Variants in ADGRV1 observed in about 807,000 individuals in gnomAD.
ADGRV1 encodes the protein G-protein coupled receptor 98.
ADGRV1 carries 359 observed loss-of-function variants against 596.2 expected under a neutral mutation model. The ratio of observed to expected loss-of-function variants is 0.60; its 90% CI spans 0.55 to 0.66. The LOEUF (loss-of-function observed/expected upper bound fraction) is 0.66, where lower values mean the gene tolerates loss of function less well. ADGRV1 is among the 30% of genes least tolerant of loss of function. The pLI is 0.00. For synonymous variants in ADGRV1, 2,681 were observed against 2,679.2 expected (o/e 1.00, Z -0.02); for missense variants, 7,274 against 7,575.6 (o/e 0.96, Z 1.48).
At chr5:90,966,421 A>G (rs1778462974) in intron 84 of ADGRV1, among the ~76,000 whole-genome samples, 2 of 151,546 alleles carry the variant, frequency 1.3e-5, no homozygotes, top group Admixed American at 6.6e-5. Flanking sequence ...AATCCCAGCT[A>G]CTAGGGAGGC....
At chr5:90,763,938 T>G (rs935262139) in intron 59 of ADGRV1, among the ~76,000 whole-genome samples, 3 of 152,216 alleles carry the variant, frequency 2.0e-5, no homozygotes, top group African/African-American at 7.2e-5. Context: ...TGATGGACAC[T>G]AAAGTTGATT....
At chr5:91,105,299 G>A (rs1791757710) in intron 87 of ADGRV1, among the ~76,000 whole-genome samples, 1 of 152,158 alleles carries the variant, frequency 6.6e-6, no homozygotes, top group Non-Finnish European at 1.5e-5. Flanking sequence ...CAACAAACAT[G>A]GGTGTGCAGA....
At chr5:90,669,699 A>C (rs566750474) in intron 21 of ADGRV1, among the ~76,000 whole-genome samples, 19 of 152,334 alleles carry the variant, frequency 1.2e-4, no homozygotes, top group Non-Finnish European at 2.5e-4. Flanking sequence ...CTAGTAACAC[A>C]GGTGTTGAAC....
At chr5:90,827,906 G>C (rs568859642) in intron 76 of ADGRV1, among the ~76,000 whole-genome samples, 1 of 152,280 alleles carries the variant, frequency 6.6e-6, no homozygotes, top group Admixed American at 6.5e-5. Context: ...TCATTAAAAT[G>C]GTCACAAAAC....
chr5:90,674,557 A>G (rs1450840102), intron 23 of ADGRV1: 1 of 178,918 alleles, frequency 5.6e-6, no homozygotes, highest in African/African-American at 2.4e-5. Flanking sequence ...ACACCTAAGT[A>G]ATTGAAATAC....
chr5:90,661,696 G>A (rs779404803), intron 21 of ADGRV1, among the ~76,000 whole-genome samples: 3 of 152,084 alleles, frequency 2.0e-5, no homozygotes, highest in East Asian at 3.8e-4. Flanking sequence ...AAGAGGAGAC[G>A]GTAGTGAGTA....
chr5:91,022,001 C>A, intron 85 of ADGRV1, among the ~76,000 whole-genome samples: 1 of 151,912 alleles, frequency 6.6e-6, no homozygotes, highest in Admixed American at 6.6e-5. Context: ...TCAAGAAAAG[C>A]GGCAATCGAG....
In ADGRV1 at chr5:90,823,535, C is replaced by T; in HGVS notation, c.16307C>T (p.Thr5436Ile). 6.2e-7 allele frequency: 1 copy of T among 1,613,842 alleles called. No individual in the cohort carries two copies. Among genetic ancestry groups the T allele is most frequent in the South Asian group, 1.1e-5 (1 of 91,062 alleles). Reference protein sequence around the residue: ...LVEELQSVSGTTTCTMGQTKC... With the variant: ...LVEELQSVSGITTCTMGQTKC... ...GAGGAACTTCAGTCTGTGTCAGGGA[C>T]CACAACCTGTACAATGGGTCAAACA... Residue 5436 changes from threonine (T) to isoleucine (I), a missense_variant, in exon 76 of 90, where the codon ACC (threonine) becomes ATC (isoleucine). Coordinates refer to ENST00000405460, the MANE Select transcript of ADGRV1 (RefSeq NM_032119.4).
chr5:91,098,897 C>G (rs946198695), intron 86 of ADGRV1, among the ~76,000 whole-genome samples: 1 of 152,178 alleles, frequency 6.6e-6, no homozygotes, highest in Non-Finnish European at 1.5e-5. Context: ...TTTGTTCTTA[C>G]ACAGTGGAAG....
intron 83 of ADGRV1, among the ~76,000 whole-genome samples, chr5:90,929,830 A>G (rs1775046211): frequency 6.6e-6 from 1 of 152,198 alleles, no homozygotes; most frequent in African/African-American, 2.4e-5. Flanking sequence ...TTGTTGACTA[A>G]TATGTAGATA....
chr5:90,763,346 A>C lies in ADGRV1; in HGVS notation c.12162A>C (p.Ser4054=). The C allele has an allele frequency of 6.2e-7, 1 of 1,610,260 alleles. No individual in the cohort carries two copies. The highest frequency in any genetic ancestry group is 8.5e-7 in the Non-Finnish European group (1 of 1,177,436). ...DESLSSDDPD[S]YVTLTVVRSP... ...CCCTTTCATCCGATGACCCTGATTC[A>C]TATGTGACATTGACGGTTGTCCGGT... The change falls in exon 59 of 90, where the codon TCA becomes TCC. Residue 4054 remains serine (S), a synonymous_variant. Transcript: ENST00000405460.
chr5:91,038,701 A>G (rs1785100141), intron 85 of ADGRV1, among the ~76,000 whole-genome samples: 1 of 152,216 alleles, frequency 6.6e-6, no homozygotes, highest in Non-Finnish European at 1.5e-5. Context: ...GACAGCAAGC[A>G]TCTTAAATAT....
chr5:90,816,581 T>G (rs1477764906), intron 75 of ADGRV1, among the ~76,000 whole-genome samples: 9 of 118,140 alleles, frequency 7.6e-5, no homozygotes, highest in Non-Finnish European at 1.6e-4. Context: ...CCCACAACAG[T>G]CCCCAGTGGG....
chr5:90,832,723 A>C (rs1764625599), intron 77 of ADGRV1, among the ~76,000 whole-genome samples: 1 of 152,144 alleles, frequency 6.6e-6, no homozygotes, highest in South Asian at 2.1e-4. Context: ...TCTTAGTTTG[A>C]GATCTTAAAT....
At chr5:91,024,805 A>G (rs1581820964) in intron 85 of ADGRV1, among the ~76,000 whole-genome samples, 1 of 152,288 alleles carries the variant, frequency 6.6e-6, no homozygotes, top group Non-Finnish European at 1.5e-5. Flanking sequence ...TTGCCAGGCT[A>G]AGTGACACAT....
intron 85 of ADGRV1, among the ~76,000 whole-genome samples, chr5:91,014,136 C>CCCCACACACACACACACACACA (rs757029909): frequency 2.6e-3 from 93 of 35,688 alleles, no homozygotes; most frequent in South Asian, 0.022. Flanking sequence ...TTCACAATTG[C>CCCCACACACACACACACACACA]CACACACACA....
rs186381473 is a variant in ADGRV1 at position 90,782,007 on chromosome 5, C to T, written c.13231+429C>T. Among the ~76,000 whole-genome samples the T allele has an allele frequency of 1.8e-4, 28 of 152,208 alleles. 1 individual carries two copies. The highest frequency in any genetic ancestry group is 1.7e-3 in the Admixed American group (26 of 15,262). On this transcript the variant is annotated intron_variant, in intron 65 of 89. Transcript: ENST00000405460. ...ATCTGGATCCTTGATCTTGCTTTCT[C>T]GAAACAGTCCCCAGTAGCAGCTTGC...
chr5:91,084,650 C>T (rs1200209183), intron 86 of ADGRV1, among the ~76,000 whole-genome samples: 1 of 152,150 alleles, frequency 6.6e-6, no homozygotes. Context: ...ATTAGTTCAA[C>T]CATTGTGGAA....
chr5:90,899,212 G>A (rs1380290474), intron 83 of ADGRV1: 1 of 152,192 alleles, frequency 6.6e-6, no homozygotes, highest in Non-Finnish European at 1.5e-5. Flanking sequence ...AAATGAAACA[G>A]GTTAACTTCC....
Sources: gnomAD v4.1 joint callset for allele counts (sites outside exome capture counted in the v4.1 genomes callset) on GRCh38, gnomAD v4.1.1 for gene constraint, MANE v1.5 for transcripts, NCBI Gene and HGNC (gene_info 2026-07-23, HGNC 2026-07-21) for gene names.